Variants in MYO10 observed in about 807,000 individuals in gnomAD.
MYO10 encodes the protein unconventional myosin-X.
In MYO10, 133 loss-of-function variants were observed where a neutral mutation model predicts 257.3. That is an observed-to-expected ratio of 0.52 (90% CI 0.45 to 0.60). The LOEUF (loss-of-function observed/expected upper bound fraction) is 0.60, where lower values mean the gene tolerates loss of function less well. Among genes scored for constraint, MYO10 ranks in the 20% least tolerant of loss-of-function variants. The pLI is 0.00. For synonymous variants in MYO10, 1,104 were observed against 1,028.6 expected, an observed-to-expected ratio of 1.07 and a Z score of -1.40; for missense variants, 2,399 against 2,635.7, an observed-to-expected ratio of 0.91 and a Z score of 1.97.
At chr5:16,831,852 G>A (rs1743172085) in intron 2 of MYO10, among the ~76,000 whole-genome samples, 1 of 152,074 alleles carries the variant, frequency 6.6e-6, no homozygotes, top group South Asian at 2.1e-4. Context: ...AACACCAACT[G>A]TTCCCCCAAT....
At chr5:16,717,256 T>C (rs2126590718) in intron 19 of MYO10, among the ~76,000 whole-genome samples, 1 of 152,350 alleles carries the variant, frequency 6.6e-6, no homozygotes, top group Admixed American at 6.5e-5. Context: ...ATTTTCCTAC[T>C]GACACATTAT....
Position 16,738,047 on chromosome 5 carries a change from TC to T in MYO10, c.1929+16780del, listed in dbSNP as rs1468940484. The stretch of plus-strand genomic sequence containing the variant: ...TAGAAAATCTAGAAAACTAGGAAAA[TC>T]AAGTAAGTTACAAAATTAAGGGAGA... On this transcript the variant is annotated intron_variant, in intron 19 of 40. Coordinates refer to ENST00000513610, the MANE Select transcript of MYO10 (RefSeq NM_012334.3). 4 of 905,260 alleles carry T rather than the reference TC, an allele frequency of 4.4e-6. No individual in the cohort carries two copies. The East Asian group carries it at 4.8e-4, about 108-fold the overall frequency. 56.1% of individuals were successfully genotyped at this position (905,260 alleles called of 1,614,324 possible).
intron 2 of MYO10, among the ~76,000 whole-genome samples, chr5:16,853,485 G>T (rs1743872321): frequency 6.6e-6 from 1 of 152,068 alleles, no homozygotes; most frequent in Non-Finnish European, 1.5e-5. Context: ...AAATGTCAAA[G>T]CCACCTGCAG....
chr5:16,876,172 T>C (rs1467639882), intron 2 of MYO10, among the ~76,000 whole-genome samples: 2 of 152,178 alleles, frequency 1.3e-5, no homozygotes, highest in Non-Finnish European at 2.9e-5. Flanking sequence ...ATCCTTGCAT[T>C]TGACTATCTT....
At chr5:16,741,253 T>C (rs1740008182) in intron 19 of MYO10, among the ~76,000 whole-genome samples, 1 of 152,196 alleles carries the variant, frequency 6.6e-6, no homozygotes, top group Non-Finnish European at 1.5e-5. Context: ...TTCCAACATG[T>C]GTATGCTTGT....
Position 16,670,932 on chromosome 5 carries a change from T to C in MYO10, c.5477A>G (p.Asn1826Ser). 1 of 1,611,822 alleles carries C rather than the reference T, an allele frequency of 6.2e-7. No individual in the cohort carries two copies. The highest frequency in any genetic ancestry group is 8.5e-7 in the Non-Finnish European group (1 of 1,179,162). Residue 1826 changes from asparagine (N) to serine (S), a missense_variant, in exon 39 of 41, where the codon AAC becomes AGC. Physicochemically the swap from Asn to Ser is conservative, Grantham distance 46. This residue lies in a region of MYO10 where 1,820 missense variants were observed against 1,939.4 expected (regional missense o/e 0.94). Transcript: ENST00000513610. The stretch of plus-strand genomic sequence containing the variant: ...TCGCAGGGCAGCAAGAACCTGGAGG[T>C]TTTCTTCCGGGGCTGGATGGTGGCC... ...IHGHHPAPEE[N>S]LQVLAALRLQ...
In MYO10 at chr5:16,780,786, ATG is replaced by A. The variant is rs148661811; in HGVS notation, c.728-47_728-46del. The A allele has an allele frequency of 1.3e-3, 2,064 of 1,541,670 alleles. 27 individuals are homozygous for A. The African/African-American group carries it at 0.024, about 18-fold the overall frequency. On this transcript the variant is annotated intron_variant, in intron 6 of 40. Transcript: ENST00000513610. ...GCAAGTCAAGGAAAAAAACAAAGCTATGTGCCATGCTCAACTAGTCTTTCATT... is the reference window on the plus strand; with the variant it reads ...GCAAGTCAAGGAAAAAAACAAAGCTATGCCATGCTCAACTAGTCTTTCATT...
At chr5:16,828,670 G>A (rs1424446633) in intron 2 of MYO10, among the ~76,000 whole-genome samples, 3 of 151,448 alleles carry the variant, frequency 2.0e-5, no homozygotes, top group African/African-American at 7.3e-5. Flanking sequence ...TCAAAGGAGA[G>A]GGCAGGGTAG....
chr5:16,784,341 T>C (rs922706749), intron 4 of MYO10, among the ~76,000 whole-genome samples: 1 of 152,202 alleles, frequency 6.6e-6, no homozygotes, highest in Non-Finnish European at 1.5e-5. Flanking sequence ...AGGGTGGTGA[T>C]GACCTCATCA....
chr5:16,699,383 A>C (rs1737917000), intron 26 of MYO10, 67 bp downstream of exon 26: 1 of 1,561,348 alleles, frequency 6.4e-7, no homozygotes, highest in African/African-American at 1.4e-5. Context: ...ACCGCCATCC[A>C]TCAGCCCGGA....
intron 28 of MYO10, among the ~76,000 whole-genome samples, chr5:16,688,693 T>A (rs139597953): frequency 0.072 from 10,816 of 151,060 alleles, 1,170 homozygotes; most frequent in African/African-American, 0.24. Flanking sequence ...TGAGCCAAGA[T>A]TGCACCAGTG....
chr5:16,897,265 G>T (rs541735757), intron 1 of MYO10, among the ~76,000 whole-genome samples: 1 of 149,402 alleles, frequency 6.7e-6, no homozygotes, highest in African/African-American at 2.5e-5. Context: ...AACAAAACTG[G>T]CTTGCTAAGT....
chr5:16,768,317 A>G (rs964060371), intron 10 of MYO10, among the ~76,000 whole-genome samples: 1 of 152,324 alleles, frequency 6.6e-6, no homozygotes, highest in East Asian at 1.9e-4. Flanking sequence ...AGAAGTCATG[A>G]GTATTCAGGG....
At chr5:16,935,643 G>GGGGGGATGGGGGGTGATTTCAGGA in intron 1 of MYO10, 145 bp downstream of exon 1, 1 of 899,068 alleles carries the variant, frequency 1.1e-6, no homozygotes, top group Non-Finnish European at 1.8e-6. Flanking sequence ...GAGACTCCGC[G>GGGGGGATGGGGGGTGATTTCAGGA]GGGGGATGGG....
chr5:16,685,844 G>A lies in MYO10; in HGVS notation c.3897-13C>T. On this transcript the variant is annotated splice_polypyrimidine_tract_variant and intron_variant, in intron 28 of 40. Transcript: ENST00000513610. Reference sequence around the variant, plus strand: ...GCTGAACCACTGGCTGTGGGGAAGAGAGAGCAACTGTCAAGGAGAGGCCAA... The same window carrying A: ...GCTGAACCACTGGCTGTGGGGAAGAAAGAGCAACTGTCAAGGAGAGGCCAA... 1 of 1,578,836 alleles carries A rather than the reference G, an allele frequency of 6.3e-7. No homozygotes were observed. Among genetic ancestry groups the A allele is most frequent in the Admixed American group, 1.8e-5 (1 of 54,896 alleles).
chr5:16,874,728 T>C lies in MYO10; in HGVS notation c.120+2881A>G, dbSNP rs569797588. The stretch of plus-strand genomic sequence containing the variant: ...GAGGAAGTTCAAAACTTCCCCACAT[T>C]TTCCTGTCTTCTTCTGAGACCTCCA... On this transcript the variant is annotated intron_variant, in intron 2 of 40. Coordinates refer to ENST00000513610, the MANE Select transcript of MYO10 (RefSeq NM_012334.3). Among the ~76,000 whole-genome samples the C allele has an allele frequency of 2.1e-4, 32 of 152,288 alleles. 1 individual carries two copies. In the East Asian group the frequency reaches 6.2e-3, roughly 29 times the overall value.
intron 4 of MYO10, among the ~76,000 whole-genome samples, chr5:16,787,301 T>C (rs1741615348): frequency 6.6e-6 from 1 of 152,062 alleles, no homozygotes; most frequent in Non-Finnish European, 1.5e-5. Flanking sequence ...TATTGGGCTG[T>C]GGAAGTGTTT....
At chr5:16,894,207 C>T (rs1019208170) in intron 1 of MYO10, among the ~76,000 whole-genome samples, 1 of 152,168 alleles carries the variant, frequency 6.6e-6, no homozygotes, top group Non-Finnish European at 1.5e-5. Flanking sequence ...CACCTAATGT[C>T]CTTTTTCCGT....
intron 2 of MYO10, among the ~76,000 whole-genome samples, chr5:16,876,640 C>T (rs1744612351): frequency 2.0e-5 from 3 of 152,242 alleles, no homozygotes; most frequent in Non-Finnish European, 2.9e-5. Flanking sequence ...CTGCAACCTC[C>T]GCCTCGCAGG....
Sources: allele counts gnomAD v4.1 joint callset (sites outside exome capture counted in the v4.1 genomes callset), GRCh38; gene constraint gnomAD v4.1.1; regional missense constraint gnomAD v4.1.1; transcripts MANE v1.5; gene names NCBI Gene and HGNC (gene_info 2026-07-23, HGNC 2026-07-21).